Variants in GARIN5B observed in about 807,000 individuals in gnomAD.
The protein encoded by GARIN5B is golgi associated RAB2 interactor family member 5B.
chr19:55,362,283 G>A, the GARIN5B span: 4 of 1,547,260 alleles, frequency 2.6e-6, no homozygotes, highest in African/African-American at 5.5e-5. Flanking sequence ...TCGGCCAGCG[G>A]CATATCCAGG....
chr19:55,360,723 G>A, the GARIN5B span: 2 of 1,551,734 alleles, frequency 1.3e-6, no homozygotes, highest in East Asian at 2.4e-5. Context: ...GGTTGGCGGT[G>A]CTGGAAATGA....
the GARIN5B span, chr19:55,355,248 C>T: frequency 2.1e-6 from 3 of 1,429,480 alleles, no homozygotes; most frequent in Non-Finnish European, 1.9e-6. Context: ...TCTCCAGGGT[C>T]TTAAAGGGTA....
the GARIN5B span, among the ~76,000 whole-genome samples, chr19:55,357,144 G>A: frequency 1.3e-5 from 2 of 152,136 alleles, no homozygotes; most frequent in South Asian, 2.1e-4. Flanking sequence ...GGCCTCCAAC[G>A]ATTCACTTTC....
the GARIN5B span, chr19:55,359,617 G>T: frequency 9.7e-6 from 15 of 1,550,850 alleles, no homozygotes; most frequent in Non-Finnish European, 1.2e-5. Context: ...TCTGGGACTG[G>T]TCAACAAGGA....
At chr19:55,362,198 G>C in the GARIN5B span, 40 of 1,465,812 alleles carry the variant, frequency 2.7e-5, no homozygotes, top group Non-Finnish European at 3.6e-5. Flanking sequence ...CTGGCCGGAG[G>C]GTTCCTGGGG....
At chr19:55,356,142 C>T in the GARIN5B span, among the ~76,000 whole-genome samples, 5 of 151,564 alleles carry the variant, frequency 3.3e-5, no homozygotes, top group Non-Finnish European at 7.4e-5. Flanking sequence ...TTTGGGAAGC[C>T]GGATGGATCA....
At chr19:55,357,292 C>T in the GARIN5B span, among the ~76,000 whole-genome samples, 2 of 152,142 alleles carry the variant, frequency 1.3e-5, no homozygotes, top group African/African-American at 2.4e-5. Context: ...CACATAAATC[C>T]GTCTCCATCA....
chr19:55,358,083 G>C, the GARIN5B span: 1 of 1,274,024 alleles, frequency 7.8e-7, no homozygotes, highest in South Asian at 2.1e-5. Context: ...AGGAAAGAGT[G>C]ATCATCTCTG....
the GARIN5B span, chr19:55,359,184 C>G: frequency 6.4e-7 from 1 of 1,551,402 alleles, no homozygotes; most frequent in Non-Finnish European, 8.7e-7. Context: ...TCAAAATCGC[C>G]AGGGAGCTTC....
chr19:55,359,378 G>A, the GARIN5B span: 1 of 1,453,544 alleles, frequency 6.9e-7, no homozygotes, highest in African/African-American at 1.4e-5. Flanking sequence ...CTGGGGTGGG[G>A]CAGGTACGGC....
chr19:55,359,743 G>A, the GARIN5B span: 1 of 1,551,440 alleles, frequency 6.4e-7, no homozygotes, highest in Non-Finnish European at 8.7e-7. Flanking sequence ...GGATGGAAGA[G>A]TAGGGTGTGG....
chr19:55,360,682 A>G, the GARIN5B span: 2 of 1,550,496 alleles, frequency 1.3e-6, no homozygotes, highest in Non-Finnish European at 1.7e-6. Flanking sequence ...TGCCCCGGGT[A>G]TAAGGCTGGC....
chr19:55,356,295 C>T, the GARIN5B span, among the ~76,000 whole-genome samples: 3 of 151,842 alleles, frequency 2.0e-5, no homozygotes, highest in East Asian at 1.9e-4. Context: ...ACTGCAGCCT[C>T]GACTTCCCAG....
At chr19:55,358,879 G>A in the GARIN5B span, 1 of 1,549,740 alleles carries the variant, frequency 6.5e-7, no homozygotes, top group Non-Finnish European at 8.7e-7. Flanking sequence ...CCAACTCCTT[G>A]GATCTCACGC....
the GARIN5B span, chr19:55,363,187 A>G: frequency 9.6e-7 from 1 of 1,045,098 alleles, no homozygotes; most frequent in Non-Finnish European, 1.3e-6. This position sits in a 1 kb window ranked among gnomAD's most constrained non-coding sequence, Gnocchi z 4.0. Flanking sequence ...TCAGCGTTAC[A>G]GAGCGTGGAG....
At chr19:55,363,090 G>T in the GARIN5B span, 1 of 1,474,490 alleles carries the variant, frequency 6.8e-7, no homozygotes, top group Non-Finnish European at 9.0e-7. This position sits in a 1 kb window ranked among gnomAD's most constrained non-coding sequence, Gnocchi z 4.0. Context: ...GATGGGTACT[G>T]GTTTAGGGAC....
the GARIN5B span, chr19:55,359,045 G>C: frequency 6.4e-7 from 1 of 1,551,374 alleles, no homozygotes; most frequent in Non-Finnish European, 8.7e-7. Flanking sequence ...CGACTCCGGG[G>C]ACTTGGCCTG....
chr19:55,356,908 G>A, the GARIN5B span, among the ~76,000 whole-genome samples: 7 of 151,996 alleles, frequency 4.6e-5, no homozygotes, highest in South Asian at 2.1e-4. Context: ...AAAATCAGCC[G>A]GGCGTGGTGG....
At chr19:55,362,896 G>T in the GARIN5B span, 1 of 1,488,968 alleles carries the variant, frequency 6.7e-7, no homozygotes, top group Non-Finnish European at 8.9e-7. Flanking sequence ...TCTCAGCCCC[G>T]GGGCACTGGG....
Sources: allele counts gnomAD v4.1 joint callset (sites outside exome capture counted in the v4.1 genomes callset), GRCh38; gene constraint gnomAD v4.1.1; non-coding constraint Gnocchi (gnomAD v3.1); transcripts MANE v1.5; gene names NCBI Gene and HGNC (gene_info 2026-07-23, HGNC 2026-07-21).